Variants in MAP3K21 observed in about 807,000 individuals in gnomAD.
MAP3K21 encodes the protein mitogen-activated protein kinase kinase kinase MLK4.
MAP3K21 carries 63 observed loss-of-function variants against 86.1 expected under a neutral mutation model. That is an observed-to-expected ratio of 0.73 (90% CI 0.60 to 0.90). MAP3K21 has a LOEUF of 0.90. Ranked by LOEUF, MAP3K21 falls within the 40% of genes least tolerant of loss-of-function variation. The pLI is 0.00. For synonymous variants in MAP3K21, 558 were observed against 564.8 expected, an observed-to-expected ratio of 0.99 and a Z score of 0.17; for missense variants, 1,220 against 1,367.7, an observed-to-expected ratio of 0.89 and a Z score of 1.70.
chr1:233,371,426 T>C lies in MAP3K21; in HGVS notation c.1553-612T>C, dbSNP rs1663677110. 2.6e-5 allele frequency among the ~76,000 whole-genome samples: 4 copies of C among 152,318 alleles called. No individual in the cohort carries two copies. The South Asian group carries it at 8.3e-4, about 32-fold the overall frequency. Reference sequence around the variant, plus strand: ...CCCAGGCTGGAGTGCAGTGGCACAATCTCAGCTCACTGTACCCTCCACCTC... The same window carrying C: ...CCCAGGCTGGAGTGCAGTGGCACAACCTCAGCTCACTGTACCCTCCACCTC... On this transcript the variant is annotated intron_variant, in intron 5 of 9. Coordinates refer to ENST00000366624, the MANE Select transcript of MAP3K21 (RefSeq NM_032435.3).
chr1:233,336,534 C>T (rs1381081359), intron 1 of MAP3K21, among the ~76,000 whole-genome samples: 1 of 123,712 alleles, frequency 8.1e-6, no homozygotes, highest in Non-Finnish European at 1.6e-5. Flanking sequence ...GAGCCAGATG[C>T]CGTCAAATAA....
At chr1:233,348,365 C>G (rs1663188442) in intron 2 of MAP3K21, among the ~76,000 whole-genome samples, 1 of 152,190 alleles carries the variant, frequency 6.6e-6, no homozygotes, top group Non-Finnish European at 1.5e-5. Flanking sequence ...TGTACCACAT[C>G]TTGTTTACCC....
chr1:233,336,373 T>C (rs1024434972), intron 1 of MAP3K21, among the ~76,000 whole-genome samples: 1 of 151,976 alleles, frequency 6.6e-6, no homozygotes, highest in Non-Finnish European at 1.5e-5. Flanking sequence ...AAACCCTGTC[T>C]CTACTAAAAA....
rs1015493888 is a variant in MAP3K21 at position 233,384,576 on chromosome 1, A to G, written c.*1865A>G. On this transcript the variant is annotated 3_prime_UTR_variant, in exon 10 of 10. Transcript: ENST00000366624. The stretch of plus-strand genomic sequence containing the variant: ...GCTTCCAGCTTAAGGGTAGAGAAAT[A>G]TATACCTAAAATCATCAATACATGA... The G allele has an allele frequency of 5.3e-5, 8 of 152,004 alleles. No individual in the cohort carries two copies. The highest frequency in any genetic ancestry group is 1.7e-4 in the African/African-American group (7 of 41,364). The allele number at this position is 152,004 out of a possible 1,614,324, so 9.4% of individuals were successfully genotyped here.
At chr1:233,333,426 A>C (rs1662849290) in intron 1 of MAP3K21, among the ~76,000 whole-genome samples, 1 of 152,160 alleles carries the variant, frequency 6.6e-6, no homozygotes, top group African/African-American at 2.4e-5. Context: ...ATCTTCCCCC[A>C]TCATTTTCAT....
At chr1:233,335,838 C>T (rs1662902110) in intron 1 of MAP3K21, among the ~76,000 whole-genome samples, 2 of 152,088 alleles carry the variant, frequency 1.3e-5, no homozygotes, top group Non-Finnish European at 2.9e-5. Flanking sequence ...TGGGAAAACC[C>T]CCATATTTTC....
chr1:233,354,750 T>A, intron 3 of MAP3K21, 86 bp from the exon 4 acceptor site: 1 of 1,099,730 alleles, frequency 9.1e-7, no homozygotes, highest in Non-Finnish European at 1.4e-6. Flanking sequence ...AAATGTTAAG[T>A]TGAAATACAC....
At position 233,328,973 on chromosome 1, in the gene MAP3K21, C is replaced by A; in HGVS notation, c.805+140C>A. On this transcript the variant is annotated intron_variant, in intron 1 of 9. Transcript: ENST00000366624. This position sits in a 1 kb window ranked among gnomAD's most constrained non-coding sequence, Gnocchi z 8.7. ...GCAACTCATGCCCAGGCCTTCAGGG[C>A]TCGGAAGTCCAGCTAGTCCTTGGTT... The A allele has an allele frequency of 1.2e-6, 1 of 811,940 alleles. No homozygotes were observed. The highest frequency in any genetic ancestry group is 1.7e-6 in the Non-Finnish European group (1 of 601,020). The allele number at this position is 811,940 out of a possible 1,614,324, so 50.3% of individuals were successfully genotyped here.
At chr1:233,351,843 A>G (rs1663258597) in intron 2 of MAP3K21, among the ~76,000 whole-genome samples, 1 of 152,242 alleles carries the variant, frequency 6.6e-6, no homozygotes, top group East Asian at 1.9e-4. Context: ...TATTAGTAGA[A>G]TTTAAAAGGA....
At chr1:233,352,342 G>C (rs1663265414) in intron 2 of MAP3K21, among the ~76,000 whole-genome samples, 1 of 151,958 alleles carries the variant, frequency 6.6e-6, no homozygotes, top group East Asian at 1.9e-4. Flanking sequence ...CTCTCTTCTA[G>C]CTATCTGAAA....
At chr1:233,333,597 TAA>T (rs11399728) in intron 1 of MAP3K21, among the ~76,000 whole-genome samples, 3 of 149,796 alleles carry the variant, frequency 2.0e-5, no homozygotes, top group African/African-American at 7.4e-5. Flanking sequence ...ATATTAAAAT[TAA>T]AAAAAAAAAT....
At chr1:233,377,276 T>C (rs1171545138) in intron 8 of MAP3K21, among the ~76,000 whole-genome samples, 1 of 152,154 alleles carries the variant, frequency 6.6e-6, no homozygotes, top group East Asian at 1.9e-4. Context: ...TCAAGCACGG[T>C]TACTAACACA....
intron 4 of MAP3K21, among the ~76,000 whole-genome samples, chr1:233,358,154 C>A (rs1181358833): frequency 1.2e-4 from 18 of 151,678 alleles, no homozygotes; most frequent in Admixed American, 1.2e-3. Context: ...TTGGAGCCAT[C>A]ACTGTAACCC....
chr1:233,334,963 CT>C (rs10640127), intron 1 of MAP3K21, among the ~76,000 whole-genome samples: 28 of 146,592 alleles, frequency 1.9e-4, no homozygotes, highest in African/African-American at 2.8e-4. Context: ...TTCTTTCTTT[CT>C]TTTTTTTTTT....
intron 6 of MAP3K21, chr1:233,374,202 A>G (rs762876513): frequency 6.6e-6 from 1 of 151,716 alleles, no homozygotes; most frequent in Non-Finnish European, 1.5e-5. Flanking sequence ...TTTTTTTGAA[A>G]TGGAGTCTCA....
At chr1:233,365,741 G>C (rs114451550) in intron 5 of MAP3K21, among the ~76,000 whole-genome samples, 1,592 of 152,192 alleles carry the variant, frequency 0.01, 32 homozygotes, top group African/African-American at 0.037. Context: ...GCTAATGGAA[G>C]TGTAAGTTAG....
Position 233,328,677 on chromosome 1 carries a change from G to C in MAP3K21, c.649G>C (p.Ala217Pro). The change falls in exon 1 of 10, where the codon GCC becomes CCC. Residue 217 changes from alanine to proline, a missense_variant. Physicochemically the swap from Ala to Pro is conservative, Grantham distance 27 (BLOSUM62 -1). Coordinates refer to ENST00000366624, the MANE Select transcript of MAP3K21 (RefSeq NM_032435.3). The surrounding 1 kb of genome is among the most constrained non-coding windows in gnomAD (Gnocchi z 8.7). ...CAACCGAGCGCTGGCCGCTGCCAAC[G>C]CCGCCCCGGACCCGCGCGCGCCCGG... ...ALNRALAAAN[A>P]APDPRAPGPR... 1.5e-6 allele frequency: 2 copies of C among 1,333,804 alleles called. No individual in the cohort carries two copies. The highest frequency in any genetic ancestry group is 2.2e-5 in the South Asian group (1 of 46,146). The allele number at this position is 1,333,804 out of a possible 1,614,324, so 82.6% of individuals were successfully genotyped here.
At chr1:233,355,310 A>G (rs1663332181) in intron 4 of MAP3K21, among the ~76,000 whole-genome samples, 1 of 152,210 alleles carries the variant, frequency 6.6e-6, no homozygotes, top group South Asian at 2.1e-4. Context: ...TCATTATTTT[A>G]TCATTTTATT....
chr1:233,357,186 T>C (rs1311446061), intron 4 of MAP3K21, among the ~76,000 whole-genome samples: 1 of 152,028 alleles, frequency 6.6e-6, no homozygotes, highest in Non-Finnish European at 1.5e-5. Context: ...TTCTCACTCA[T>C]AGGTGGGAAT....
Sources: gnomAD v4.1 joint callset for allele counts (sites outside exome capture counted in the v4.1 genomes callset) on GRCh38, gnomAD v4.1.1 for gene constraint, Gnocchi (gnomAD v3.1) non-coding constraint, MANE v1.5 for transcripts, NCBI Gene and HGNC (gene_info 2026-07-23, HGNC 2026-07-21) for gene names.